Variants in FAM168B observed in about 807,000 individuals in gnomAD.
The protein encoded by FAM168B is myelin-associated neurite-outgrowth inhibitor.
Under a neutral mutation model 21.8 loss-of-function variants are expected in FAM168B, and 19 were observed. The observed-to-expected ratio is 0.87, with a 90% CI of 0.61 to 1.28. The LOEUF is 1.28. Among genes scored for constraint, FAM168B ranks in the 50% most tolerant of loss-of-function variants. The pLI, the probability that FAM168B is intolerant of heterozygous loss-of-function variation, is 0.00. For missense variants in FAM168B, 233 were observed against 263.1 expected (o/e 0.89, Z 0.79); for synonymous variants, 126 against 104.8 (o/e 1.20, Z -1.24).
chr2:131,056,192 C>T (rs980347025), intron 3 of FAM168B, among the ~76,000 whole-genome samples: 5 of 152,186 alleles, frequency 3.3e-5, no homozygotes, highest in Non-Finnish European at 7.3e-5. Flanking sequence ...TTGCCCAGCA[C>T]CAGGACTGGC....
chr2:131,085,289 A>C (rs116484771), intron 1 of FAM168B, among the ~76,000 whole-genome samples: 1 of 152,170 alleles, frequency 6.6e-6, no homozygotes, highest in Non-Finnish European at 1.5e-5. Context: ...ATCTCTGAAA[A>C]ACATGTAATA....
At position 131,049,456 on chromosome 2, in the gene FAM168B, GA is replaced by G; in HGVS notation, c.*3008del. On this transcript the variant is annotated 3_prime_UTR_variant, in exon 7 of 7. Transcript: ENST00000389915. ...CTCACGAGAGACATAAAAGGTTCTG[GA>G]AGTGCCTTCAGGCCCATTACCATGA... 2 of 985,394 alleles carry G rather than the reference GA, an allele frequency of 2.0e-6. No homozygotes were observed. The highest frequency in any genetic ancestry group is 2.4e-6 in the Non-Finnish European group (2 of 829,936). 61.0% of individuals were successfully genotyped at this position (985,394 alleles called of 1,614,324 possible). A position where few individuals can be genotyped will look rare whatever the true frequency, so the allele number is the denominator to read the frequency against.
rs771726249 is a variant in FAM168B, at chr2:131,055,627, AG to A, written c.222del (p.Ser75ProfsTer88). The A allele has an allele frequency of 6.2e-7, 1 of 1,612,528 alleles. No individual in the cohort carries two copies. The highest frequency in any genetic ancestry group is 8.5e-7 in the Non-Finnish European group (1 of 1,179,272). ...SPTSGAVPPY[S>X]SSPNPYQTAV... ...GCAGTCTGGTAGGGGTTCGGGGAGG[AG>A]GAGTACGGTGGCACAGCCCCGCTGG... On this transcript the variant is annotated frameshift_variant, in exon 4 of 7. Coordinates refer to ENST00000389915, the MANE Select transcript of FAM168B (RefSeq NM_001009993.4). LOFTEE classifies it high-confidence loss of function.
intron 2 of FAM168B, among the ~76,000 whole-genome samples, chr2:131,072,872 TCACTG>T (rs1051319319): frequency 6.6e-6 from 1 of 152,276 alleles, no homozygotes; most frequent in Admixed American, 6.5e-5. Flanking sequence ...TCATCTGACT[TCACTG>T]CACAAAGTCT....
intron 5 of FAM168B, 107 bp downstream of exon 5, chr2:131,055,165 C>T (rs3814391): frequency 0.14 from 152,577 of 1,128,976 alleles, 11,610 homozygotes; most frequent in African/African-American, 0.27. Flanking sequence ...TTCCACACAA[C>T]TACAGCTATG....
At chr2:131,077,378 C>A (rs982595481) in intron 2 of FAM168B, among the ~76,000 whole-genome samples, 1 of 152,182 alleles carries the variant, frequency 6.6e-6, no homozygotes, top group African/African-American at 2.4e-5. Context: ...CAGGACCAGG[C>A]CGCTGGTGCC....
At chr2:131,077,682 C>T (rs1471004654) in intron 2 of FAM168B, among the ~76,000 whole-genome samples, 1 of 152,130 alleles carries the variant, frequency 6.6e-6, no homozygotes, top group Non-Finnish European at 1.5e-5. Flanking sequence ...GACAGAAGGC[C>T]GTGGCTGGAG....
chr2:131,056,751 C>A (rs1259184934), intron 3 of FAM168B, among the ~76,000 whole-genome samples: 1 of 152,176 alleles, frequency 6.6e-6, no homozygotes, highest in Non-Finnish European at 1.5e-5. Context: ...GCCAAAGGGA[C>A]AAACTGCTGA....
At chr2:131,087,061 C>CT (rs1267424465) in intron 1 of FAM168B, among the ~76,000 whole-genome samples, 1 of 16,114 alleles carries the variant, frequency 6.2e-5, no homozygotes, top group Non-Finnish European at 8.3e-5. Flanking sequence ...GAGACTCCGT[C>CT]TCAAAAAAAA....
intron 3 of FAM168B, among the ~76,000 whole-genome samples, chr2:131,057,671 C>T (rs944917432): frequency 2.0e-5 from 3 of 152,068 alleles, no homozygotes; most frequent in Admixed American, 6.6e-5. Context: ...TCACCTGAGC[C>T]GGAGGTCAAC....
Position 131,055,307 on chromosome 2 carries a change from C to T in FAM168B, c.440G>A (p.Gly147Asp), listed in dbSNP as rs1201286777. 1.3e-6 allele frequency: 2 copies of T among 1,582,842 alleles called. No homozygotes were observed. The highest frequency in any genetic ancestry group is 8.6e-7 in the Non-Finnish European group (1 of 1,169,538). The change falls in exon 5 of 7, where the codon GGC becomes GAC. Residue 147 changes from glycine to aspartate, a missense_variant. Transcript: ENST00000389915. ...PPPRGNGVTM[G>D]MVAGTTMAMS... is the part of the protein sequence containing the mutation. ...GGCCATGGTGGTCCCAGCCACCATG[C>T]CCATGGTGACCCCGTTGCCTCTAGG... is the stretch of plus-strand genomic sequence containing the variant.
intron 2 of FAM168B, among the ~76,000 whole-genome samples, chr2:131,075,213 TG>T (rs11359736): frequency 0.014 from 2,178 of 151,608 alleles, 55 homozygotes; most frequent in African/African-American, 0.049. Flanking sequence ...AAGAAAGGTC[TG>T]GAACTGCCCT....
intron 1 of FAM168B, among the ~76,000 whole-genome samples, chr2:131,089,089 C>A (rs1195518331): frequency 2.0e-5 from 3 of 152,016 alleles, no homozygotes; most frequent in Non-Finnish European, 2.9e-5. Flanking sequence ...GTCTCAGCCT[C>A]CTGAGTAGCT....
chr2:131,089,413 T>C (rs890753126), intron 1 of FAM168B, among the ~76,000 whole-genome samples: 2 of 151,832 alleles, frequency 1.3e-5, no homozygotes, highest in African/African-American at 4.8e-5. Flanking sequence ...AATCAAATCA[T>C]AATCAGAAGA....
At chr2:131,061,307 AAAAGT>A (rs1013017176) in intron 3 of FAM168B, among the ~76,000 whole-genome samples, 1 of 151,032 alleles carries the variant, frequency 6.6e-6, no homozygotes, top group African/African-American at 2.4e-5. Flanking sequence ...AAAAAAAAAA[AAAAGT>A]AAAAATAAGC....
intron 2 of FAM168B, among the ~76,000 whole-genome samples, chr2:131,080,458 T>C (rs1693377710): frequency 6.8e-6 from 1 of 147,776 alleles, no homozygotes; most frequent in Admixed American, 6.7e-5. Flanking sequence ...GCTCACACAG[T>C]GAACAAAAAA....
chr2:131,079,064 G>T (rs1032084115), intron 2 of FAM168B, among the ~76,000 whole-genome samples: 1 of 151,878 alleles, frequency 6.6e-6, no homozygotes, highest in African/African-American at 2.4e-5. Flanking sequence ...GAAATAATGT[G>T]ACATTATTCG....
intron 2 of FAM168B, among the ~76,000 whole-genome samples, chr2:131,075,874 A>G (rs894073009): frequency 2.0e-5 from 3 of 152,228 alleles, no homozygotes. Flanking sequence ...ACTAGCCACC[A>G]GCAACAAGAT....
Position 131,052,216 on chromosome 2 carries a change from T to C in FAM168B, c.*249A>G, listed in dbSNP as rs780943668. On this transcript the variant is annotated 3_prime_UTR_variant, in exon 7 of 7. Coordinates refer to ENST00000389915, the MANE Select transcript of FAM168B (RefSeq NM_001009993.4). ...ATTCAGAATAGATTAATACTCCCTTTTTATCATTACAGTTAGCTAAAAAAT... is the reference window on the plus strand; with the variant it reads ...ATTCAGAATAGATTAATACTCCCTTCTTATCATTACAGTTAGCTAAAAAAT... The C allele has an allele frequency of 1.8e-4, 179 of 985,730 alleles. No homozygotes were observed. The highest frequency in any genetic ancestry group is 2.1e-4 in the Non-Finnish European group (174 of 829,954). 61.1% of individuals were successfully genotyped at this position (985,730 alleles called of 1,614,324 possible).
Sources: allele counts gnomAD v4.1 joint callset (sites outside exome capture counted in the v4.1 genomes callset), GRCh38; gene constraint gnomAD v4.1.1; transcripts MANE v1.5; gene names NCBI Gene and HGNC (gene_info 2026-07-23, HGNC 2026-07-21).